Variants in CMKLR2 observed in about 807,000 individuals in gnomAD.
The protein encoded by CMKLR2 is chemerin-like receptor 2.
In CMKLR2, 18 loss-of-function variants were observed where a neutral mutation model predicts 23.0. The observed-to-expected ratio is 0.78, with a 90% confidence interval of 0.54 to 1.16. CMKLR2 has a LOEUF of 1.16. Ranked by LOEUF, CMKLR2 falls within the 50% of genes most tolerant of loss-of-function variation. The pLI, the probability that CMKLR2 is intolerant of heterozygous loss-of-function variation, is 0.00. For missense variants in CMKLR2, 401 were observed against 412.7 expected, an observed-to-expected ratio of 0.97 and a Z score of 0.25; for synonymous variants, 158 against 158.9, an observed-to-expected ratio of 0.99 and a Z score of 0.05.
chr2:206,176,520 C>T lies in CMKLR2; in HGVS notation c.728G>A (p.Arg243Lys), dbSNP rs369746651. 2 of 1,613,954 alleles carry T rather than the reference C, an allele frequency of 1.2e-6. No individual in the cohort carries two copies. The highest frequency in any genetic ancestry group is 2.7e-5 in the African/African-American group (2 of 74,920). The change falls in exon 2 of 2, where the codon AGG becomes AAG. Residue 243 changes from arginine to lysine, a missense_variant. Transcript: ENST00000621141. ...VKKRSILISS[R>K]HFWTILVVVV... Reference sequence around the variant, plus strand: ...CACAACCAGAATTGTCCAGAAATGCCTACTGGAGATCAGGATGCTTCGCTT... The same window carrying T: ...CACAACCAGAATTGTCCAGAAATGCTTACTGGAGATCAGGATGCTTCGCTT...
In CMKLR2 at chr2:206,175,887, T is replaced by A. The variant is rs932080908; in HGVS notation, c.*293A>T. On this transcript the variant is annotated 3_prime_UTR_variant, in exon 2 of 2. Coordinates refer to ENST00000621141, the MANE Select transcript of CMKLR2 (RefSeq NM_001389445.1). ...TGCTTCAAAAGTGATTAATTCACCATGGTATAATTAACAAGAATGATGCAT... is the reference window on the plus strand; with the variant it reads ...TGCTTCAAAAGTGATTAATTCACCAAGGTATAATTAACAAGAATGATGCAT... 1.1e-4 allele frequency: 29 copies of A among 258,122 alleles called. No homozygotes were observed. The highest frequency in any genetic ancestry group is 1.7e-4 in the Non-Finnish European group (23 of 137,580). 16.0% of individuals were successfully genotyped at this position (258,122 alleles called of 1,614,324 possible).
chr2:206,177,333 T>C, intron 1 of CMKLR2, 58 bp from the exon 2 acceptor site: 1 of 754,046 alleles, frequency 1.3e-6, no homozygotes, highest in Non-Finnish European at 2.2e-6. Context: ...AAAAGTTCAG[T>C]GAATGATAAG....
chr2:206,178,934 C>A (rs1053466166), intron 1 of CMKLR2, among the ~76,000 whole-genome samples: 2 of 151,990 alleles, frequency 1.3e-5, no homozygotes, highest in African/African-American at 4.8e-5. Flanking sequence ...CAGGTGTAAG[C>A]CAGAGTGCCT....
intron 1 of CMKLR2, among the ~76,000 whole-genome samples, chr2:206,202,142 C>T (rs1413660335): frequency 6.6e-6 from 1 of 152,160 alleles, no homozygotes; most frequent in East Asian, 1.9e-4. Context: ...TTTCATTCTA[C>T]TGTAAAGCTA....
At chr2:206,184,769 G>T (rs1409071417) in intron 1 of CMKLR2, among the ~76,000 whole-genome samples, 1 of 152,074 alleles carries the variant, frequency 6.6e-6, no homozygotes, top group Non-Finnish European at 1.5e-5. Flanking sequence ...TTTGTTAATT[G>T]CTCACATTGT....
chr2:206,191,667 T>C (rs1688751058), intron 1 of CMKLR2, among the ~76,000 whole-genome samples: 1 of 146,136 alleles, frequency 6.8e-6, no homozygotes, highest in Non-Finnish European at 1.5e-5. Flanking sequence ...TTACTTCTCT[T>C]TCTTTTTTTT....
chr2:206,180,480 G>A (rs996854657), intron 1 of CMKLR2, among the ~76,000 whole-genome samples: 1 of 152,058 alleles, frequency 6.6e-6, no homozygotes, highest in Admixed American at 6.6e-5. Context: ...TGTCACCCAG[G>A]TCAGAACGCA....
chr2:206,215,222 G>A (rs551751153), upstream of CMKLR2, among the ~76,000 whole-genome samples: 5 of 152,238 alleles, frequency 3.3e-5, no homozygotes, highest in South Asian at 4.2e-4. Context: ...TTGTGAGACC[G>A]GATGAATAGA....
chr2:206,177,110 A>G lies in CMKLR2; in HGVS notation c.138T>C (p.Cys46=). ...CTGGAATTCCCAGAACAAAAGCCAA[A>G]CAATATAACACCAGGGAGACCCAGT... The part of the protein sequence containing the change: ...VVHWVSLVLY[C]LAFVLGIPGN... Residue 46 remains cysteine, a synonymous_variant, in exon 2 of 2, where the codon TGT becomes TGC. Coordinates refer to ENST00000621141, the MANE Select transcript of CMKLR2 (RefSeq NM_001389445.1). The G allele has an allele frequency of 6.2e-7, 1 of 1,614,206 alleles. No individual in the cohort carries two copies. Among genetic ancestry groups the G allele is most frequent in the Non-Finnish European group, 8.5e-7 (1 of 1,180,018 alleles).
chr2:206,183,198 A>C (rs983294227), intron 1 of CMKLR2, among the ~76,000 whole-genome samples: 1 of 152,190 alleles, frequency 6.6e-6, no homozygotes, highest in African/African-American at 2.4e-5. Flanking sequence ...TTAGCAATTC[A>C]GAAGCCATAT....
intron 1 of CMKLR2, among the ~76,000 whole-genome samples, chr2:206,181,117 G>A (rs960271040): frequency 1.3e-5 from 2 of 151,486 alleles, no homozygotes; most frequent in Admixed American, 6.6e-5. Flanking sequence ...GAGTGCAGTG[G>A]TGCGATCTCG....
chr2:206,186,176 A>G (rs902420216), intron 1 of CMKLR2, among the ~76,000 whole-genome samples: 3 of 149,566 alleles, frequency 2.0e-5, no homozygotes, highest in African/African-American at 5.0e-5. Flanking sequence ...CAGTGGCGCA[A>G]TCTTGGCTCA....
intron 1 of CMKLR2, among the ~76,000 whole-genome samples, chr2:206,207,728 CTTTTTTTTTTTTTTT>C (rs71034423): frequency 6.0e-4 from 26 of 43,572 alleles, no homozygotes; most frequent in Middle Eastern, 0.028. Context: ...ACCTCAGGGC[CTTTTTTTTTTTTTTT>C]TTTTTTTTTT....
intron 1 of CMKLR2, among the ~76,000 whole-genome samples, chr2:206,178,322 T>C (rs1688296687): frequency 6.6e-6 from 1 of 152,166 alleles, no homozygotes. Context: ...TCTTAAACTC[T>C]AGATAAAGAG....
At chr2:206,208,010 G>A (rs986625435) in intron 1 of CMKLR2, among the ~76,000 whole-genome samples, 5 of 152,010 alleles carry the variant, frequency 3.3e-5, no homozygotes, top group Non-Finnish European at 7.3e-5. Context: ...AAAGTGCTGG[G>A]ATTACAGACG....
intron 1 of CMKLR2, among the ~76,000 whole-genome samples, chr2:206,189,070 G>A (rs956039458): frequency 5.3e-5 from 8 of 152,160 alleles, no homozygotes; most frequent in African/African-American, 1.9e-4. Flanking sequence ...ATGAAGAGAG[G>A]TTTAATTTTG....
intron 1 of CMKLR2, among the ~76,000 whole-genome samples, chr2:206,189,112 T>A (rs1334294095): frequency 6.6e-6 from 1 of 152,214 alleles, no homozygotes; most frequent in East Asian, 1.9e-4. Flanking sequence ...AGGTTTTTCA[T>A]GGATCACTGC....
intron 1 of CMKLR2, among the ~76,000 whole-genome samples, chr2:206,197,668 G>A (rs1363692202): frequency 6.6e-6 from 1 of 152,042 alleles, no homozygotes; most frequent in Non-Finnish European, 1.5e-5. Flanking sequence ...TTACTCTTCA[G>A]CTTCATTTAA....
rs574872960 is a variant in CMKLR2 at position 206,180,947 on chromosome 2, G to C, written c.-28-3672C>G. On this transcript the variant is annotated intron_variant, in intron 1 of 1. Coordinates refer to ENST00000621141, the MANE Select transcript of CMKLR2 (RefSeq NM_001389445.1). ...TTTTTATATTTATAGTAGAGATGGT[G>C]TTTCACTTTGTTGGCCAGGCTGGTC... is the stretch of plus-strand genomic sequence containing the variant. Among the ~76,000 whole-genome samples, 19 of 151,868 alleles carry C rather than the reference G, an allele frequency of 1.3e-4. No homozygotes were observed. In the East Asian group the frequency reaches 3.7e-3, roughly 29 times the overall value.
Sources: allele counts gnomAD v4.1 joint callset (sites outside exome capture counted in the v4.1 genomes callset), GRCh38; gene constraint gnomAD v4.1.1; transcripts MANE v1.5; gene names NCBI Gene and HGNC (gene_info 2026-07-23, HGNC 2026-07-21).